TG: variants seen among roughly 807,000 people sequenced by gnomAD.
TG encodes the protein thyroglobulin.
In TG, 270 loss-of-function variants were observed where a neutral mutation model predicts 324.7. The ratio of observed to expected loss-of-function variants is 0.83; its 90% CI spans 0.75 to 0.92. The LOEUF (loss-of-function observed/expected upper bound fraction) is 0.92. Ranked by LOEUF, TG falls within the 40% of genes least tolerant of loss-of-function variation. The pLI, the probability that TG is intolerant of heterozygous loss-of-function variation, is 0.00. For missense variants in TG, 3,591 were observed against 3,456.4 expected, an observed-to-expected ratio of 1.04 and a Z score of -0.98; for synonymous variants, 1,401 against 1,327.0, an observed-to-expected ratio of 1.06 and a Z score of -1.21.
At chr8:132,941,598 G>A (rs1824454130) in intron 26 of TG, 56 bp downstream of exon 26, 2 of 1,604,524 alleles carry the variant, frequency 1.2e-6, no homozygotes, top group Non-Finnish European at 1.7e-6. Context: ...ACACAGGGAT[G>A]CAGAAGCCAG....
intron 41 of TG, among the ~76,000 whole-genome samples, chr8:133,062,637 C>T (rs552345771): frequency 7.2e-5 from 11 of 152,024 alleles, no homozygotes; most frequent in Non-Finnish European, 1.0e-4. Flanking sequence ...GCACAGGCCT[C>T]GGGAAGCATG....
intron 43 of TG, among the ~76,000 whole-genome samples, chr8:133,103,503 C>T (rs948374460): frequency 2.6e-5 from 4 of 152,050 alleles, no homozygotes; most frequent in African/African-American, 9.7e-5. Context: ...CTGACTTGTC[C>T]CCCCCAAAAT....
In TG at chr8:132,989,843, G is replaced by A. The variant is rs77392738; in HGVS notation, c.6262+6431G>A. On this transcript the variant is annotated intron_variant, in intron 35 of 47. Transcript: ENST00000220616. ...AAGCGAGGAAGCAATGCGACATCAC[G>A]GTGCAGCACGTGGGCTTTGAGGTCC... 5.7e-3 allele frequency among the ~76,000 whole-genome samples: 866 copies of A among 152,266 alleles called. 13 individuals are homozygous for A. The highest frequency in any genetic ancestry group is 0.019 in the African/African-American group (796 of 41,534).
chr8:132,921,997 A>G (rs1821175473), intron 21 of TG, among the ~76,000 whole-genome samples: 1 of 152,242 alleles, frequency 6.6e-6, no homozygotes, highest in South Asian at 2.1e-4. Context: ...AAATGAAGGC[A>G]TTCCCTTTTA....
At chr8:133,021,882 A>G (rs1024450954) in intron 39 of TG, 109 bp from the exon 40 acceptor site, 25 of 1,371,294 alleles carry the variant, frequency 1.8e-5, no homozygotes, top group Middle Eastern at 3.6e-4. Flanking sequence ...GGGGCTAAGT[A>G]TGCCACAGAG....
intron 41 of TG, among the ~76,000 whole-genome samples, chr8:133,080,117 T>C (rs976944793): frequency 6.6e-6 from 1 of 152,014 alleles, no homozygotes; most frequent in Non-Finnish European, 1.5e-5. Flanking sequence ...AAAGGTGACA[T>C]TTGAAATGAG....
At chr8:133,099,493 G>A (rs952785770) in intron 43 of TG, among the ~76,000 whole-genome samples, 16 of 152,182 alleles carry the variant, frequency 1.1e-4, no homozygotes, top group Non-Finnish European at 1.9e-4. Context: ...TCTGCACACA[G>A]ATTTATTCCT....
At position 133,114,937 on chromosome 8, in the gene TG, G is replaced by A. The variant is rs141358121; in HGVS notation, c.7754+1334G>A. ...CCACTTGGATCTTGCGGACTAAAAG[G>A]CTTTAATTTTCCCTCTAGTGGAGAT... On this transcript the variant is annotated intron_variant, in intron 44 of 47. Transcript: ENST00000220616. Among the ~76,000 whole-genome samples, 3 of 150,090 alleles carry A rather than the reference G, an allele frequency of 2.0e-5. No individual in the cohort carries two copies. In the East Asian group the frequency reaches 6.0e-4, roughly 30 times the overall value.
intron 8 of TG, among the ~76,000 whole-genome samples, chr8:132,883,640 CTGG>C: frequency 6.6e-6 from 1 of 152,086 alleles, no homozygotes; most frequent in East Asian, 1.9e-4. Context: ...GGGCTTCATC[CTGG>C]AGGTCAGGTG....
intron 41 of TG, among the ~76,000 whole-genome samples, chr8:133,061,624 G>T (rs1842379172): frequency 6.6e-6 from 1 of 152,190 alleles, no homozygotes. Context: ...GCTTTGTGGG[G>T]TCAAAGAGAA....
chr8:133,087,071 TACACACACACAC>T (rs56028043), intron 41 of TG, among the ~76,000 whole-genome samples: 23,710 of 143,016 alleles, frequency 0.17, 2,008 homozygotes, highest in South Asian at 0.18. Context: ...AATATATGTT[TACACACACACAC>T]ACACACACAC....
intron 40 of TG, among the ~76,000 whole-genome samples, chr8:133,023,416 TCA>T (rs1835731648): frequency 6.6e-6 from 1 of 152,046 alleles, no homozygotes; most frequent in Admixed American, 6.5e-5. Context: ...TTTCCAAATC[TCA>T]GTTTTCTTGG....
intron 35 of TG, among the ~76,000 whole-genome samples, chr8:133,006,531 G>T (rs772004591): frequency 1.3e-5 from 2 of 152,212 alleles, no homozygotes; most frequent in Non-Finnish European, 2.9e-5. Flanking sequence ...TGGCTGTCAG[G>T]TACAGTCCTG....
intron 32 of TG, among the ~76,000 whole-genome samples, chr8:132,971,539 T>C (rs1296159805): frequency 6.6e-6 from 1 of 152,218 alleles, no homozygotes; most frequent in East Asian, 1.9e-4. Context: ...ACAGAATATA[T>C]GCATGATGAA....
At chr8:133,003,232 AGG>A in intron 35 of TG, 1 of 162,964 alleles carries the variant, frequency 6.1e-6, no homozygotes, top group Non-Finnish European at 1.3e-5. Flanking sequence ...ATAAGGAAGG[AGG>A]GAGGGAGAGA....
At chr8:133,081,646 G>C (rs1172685228) in intron 41 of TG, among the ~76,000 whole-genome samples, 3 of 152,216 alleles carry the variant, frequency 2.0e-5, no homozygotes, top group Admixed American at 2.0e-4. Context: ...GAGCTGCACA[G>C]ATATGTTGAT....
At chr8:132,899,025 C>T (rs1587312462) in intron 14 of TG, 115 bp downstream of exon 14, 5 of 959,134 alleles carry the variant, frequency 5.2e-6, no homozygotes, top group Non-Finnish European at 8.2e-6. Context: ...ATGTTCTCAG[C>T]CTGGGTGTTT....
At chr8:133,074,034 G>T (rs1844485677) in intron 41 of TG, among the ~76,000 whole-genome samples, 1 of 152,174 alleles carries the variant, frequency 6.6e-6, no homozygotes, top group South Asian at 2.1e-4. Flanking sequence ...TGAGGCCAAA[G>T]CTCAGGTCAC....
intron 37 of TG, among the ~76,000 whole-genome samples, chr8:133,017,443 G>T (rs986069967): frequency 6.6e-6 from 1 of 152,146 alleles, no homozygotes; most frequent in African/African-American, 2.4e-5. Context: ...AGGGGATTGG[G>T]TGTTGTTTGC....
Sources: gnomAD v4.1 joint callset for allele counts (sites outside exome capture counted in the v4.1 genomes callset) on GRCh38, gnomAD v4.1.1 for gene constraint, MANE v1.5 for transcripts, NCBI Gene and HGNC (gene_info 2026-07-23, HGNC 2026-07-21) for gene names.